Variants in EPHA6 observed in about 807,000 individuals in gnomAD.
EPHA6 encodes ephrin type-A receptor 6.
In EPHA6, 50 loss-of-function variants were observed where a neutral mutation model predicts 112.0. The observed-to-expected ratio is 0.45, with a 90% CI of 0.36 to 0.56. The LOEUF is 0.56. Among genes scored for constraint, EPHA6 ranks in the 20% least tolerant of loss-of-function variants. The pLI is 0.00. For synonymous variants in EPHA6, 529 were observed against 490.7 expected, an observed-to-expected ratio of 1.08 and a Z score of -1.03; for missense variants, 1,280 against 1,417.4, an observed-to-expected ratio of 0.90 and a Z score of 1.56.
intron 11 of EPHA6, among the ~76,000 whole-genome samples, chr3:97,579,750 A>G (rs1157434110): frequency 6.6e-6 from 1 of 152,212 alleles, no homozygotes; most frequent in Non-Finnish European, 1.5e-5. Flanking sequence ...GAGCATCACT[A>G]TCCTCTAGAT....
intron 2 of EPHA6, among the ~76,000 whole-genome samples, chr3:96,881,993 G>A (rs575217248): frequency 4.6e-5 from 7 of 152,118 alleles, no homozygotes; most frequent in Non-Finnish European, 7.4e-5. Flanking sequence ...GTGGCTTTGC[G>A]GGGTACAGCC....
intron 2 of EPHA6, among the ~76,000 whole-genome samples, chr3:96,899,921 G>A (rs1455517896): frequency 6.6e-6 from 1 of 152,024 alleles, no homozygotes; most frequent in Non-Finnish European, 1.5e-5. Flanking sequence ...ATAGATCTTG[G>A]AAAGTTTGTG....
At position 97,143,183 on chromosome 3, in the gene EPHA6, A is replaced by G. The variant is rs1246321651; in HGVS notation, c.1115-83081A>G. 3.3e-5 allele frequency among the ~76,000 whole-genome samples: 5 copies of G among 151,474 alleles called. No individual in the cohort carries two copies. In the East Asian group the frequency reaches 9.7e-4, roughly 29 times the overall value. On this transcript the variant is annotated intron_variant, in intron 3 of 17. Transcript: ENST00000389672. Reference sequence around the variant, plus strand: ...AACAATAGACACACACACACACACCAAATACCTAGGAATATATTTAACAAA... The same window carrying G: ...AACAATAGACACACACACACACACCGAATACCTAGGAATATATTTAACAAA...
intron 5 of EPHA6, among the ~76,000 whole-genome samples, chr3:97,403,817 A>T (rs946697763): frequency 5.3e-5 from 8 of 152,220 alleles, no homozygotes; most frequent in African/African-American, 1.9e-4. Context: ...AAATATATTC[A>T]TAGATGTCCA....
intron 1 of EPHA6, among the ~76,000 whole-genome samples, chr3:96,862,334 A>C (rs948120138): frequency 1.3e-5 from 2 of 151,882 alleles, no homozygotes; most frequent in Non-Finnish European, 2.9e-5. Flanking sequence ...TGACTTAGTA[A>C]CTTTACTTAG....
intron 14 of EPHA6, among the ~76,000 whole-genome samples, chr3:97,679,291 C>T (rs1011178640): frequency 2.6e-5 from 4 of 152,120 alleles, no homozygotes; most frequent in African/African-American, 7.2e-5. Flanking sequence ...TCAGTGGGAA[C>T]TTGGAACCCA....
chr3:97,195,897 G>T (rs948235575), intron 3 of EPHA6, among the ~76,000 whole-genome samples: 1 of 151,754 alleles, frequency 6.6e-6, no homozygotes, highest in African/African-American at 2.4e-5. Context: ...CTTTTTTCTT[G>T]ATGCTTTTAG....
chr3:96,920,067 C>A (rs16836996), intron 2 of EPHA6, among the ~76,000 whole-genome samples: 2,443 of 151,914 alleles, frequency 0.016, 69 homozygotes, highest in African/African-American at 0.05. Flanking sequence ...ACTTGCATTA[C>A]AAATCATGTT....
At chr3:97,400,421 C>T (rs553483671) in intron 5 of EPHA6, among the ~76,000 whole-genome samples, 98 of 151,290 alleles carry the variant, frequency 6.5e-4, no homozygotes, top group African/African-American at 2.1e-3. Flanking sequence ...TTGTTTTTTC[C>T]TCAAAACTGC....
At chr3:97,018,437 T>C (rs200015118) in intron 3 of EPHA6, among the ~76,000 whole-genome samples, 2 of 152,022 alleles carry the variant, frequency 1.3e-5, no homozygotes, top group East Asian at 3.9e-4. Flanking sequence ...ATTTATTGGA[T>C]ACAAGACAAA....
intron 3 of EPHA6, among the ~76,000 whole-genome samples, chr3:97,188,742 T>G (rs991107087): frequency 6.6e-6 from 1 of 151,814 alleles, no homozygotes; most frequent in African/African-American, 2.4e-5. Flanking sequence ...TTATGTTAAG[T>G]AAAAAAATCA....
intron 5 of EPHA6, among the ~76,000 whole-genome samples, chr3:97,327,999 ATG>A (rs1282389327): frequency 3.8e-4 from 52 of 136,182 alleles, no homozygotes; most frequent in African/African-American, 1.5e-3. Context: ...GTATATGTGT[ATG>A]TATATGTATA....
intron 1 of EPHA6, among the ~76,000 whole-genome samples, chr3:96,825,163 C>T (rs997367802): frequency 1.3e-5 from 2 of 151,546 alleles, no homozygotes; most frequent in African/African-American, 2.4e-5. Flanking sequence ...AGTTTTTATG[C>T]GTTTAAAGAT....
chr3:96,854,312 TG>T (rs1475295099), intron 1 of EPHA6, among the ~76,000 whole-genome samples: 3 of 151,628 alleles, frequency 2.0e-5, no homozygotes, highest in Middle Eastern at 3.2e-3. Flanking sequence ...CCCAAGTAGC[TG>T]GGACTACAGG....
intron 5 of EPHA6, among the ~76,000 whole-genome samples, chr3:97,245,953 T>C (rs1233972987): frequency 1.3e-5 from 2 of 152,030 alleles, no homozygotes; most frequent in African/African-American, 4.8e-5. Context: ...GAAATACCTC[T>C]AATAAATAAA....
intron 11 of EPHA6, among the ~76,000 whole-genome samples, chr3:97,547,394 G>A (rs1187791217): frequency 2.0e-5 from 3 of 152,168 alleles, no homozygotes; most frequent in Non-Finnish European, 4.4e-5. Flanking sequence ...TGGGTGAACC[G>A]CAAATGCTGC....
intron 1 of EPHA6, among the ~76,000 whole-genome samples, chr3:96,846,452 AG>A: frequency 6.6e-6 from 1 of 152,230 alleles, no homozygotes; most frequent in East Asian, 1.9e-4. Context: ...ATAACACTAA[AG>A]AAGGTAATCT....
chr3:97,233,818 A>T (rs2078603559), intron 4 of EPHA6, among the ~76,000 whole-genome samples: 1 of 152,178 alleles, frequency 6.6e-6, no homozygotes, highest in Non-Finnish European at 1.5e-5. Flanking sequence ...TGAATGTATG[A>T]TTAATAAAAT....
At chr3:97,088,070 A>G (rs543286745) in intron 3 of EPHA6, among the ~76,000 whole-genome samples, 6 of 152,120 alleles carry the variant, frequency 3.9e-5, no homozygotes, top group Admixed American at 2.6e-4. Flanking sequence ...AGTCCCAGCT[A>G]CTCAGGAGGC....
Sources: allele counts gnomAD v4.1 joint callset (sites outside exome capture counted in the v4.1 genomes callset), GRCh38; gene constraint gnomAD v4.1.1; transcripts MANE v1.5; gene names NCBI Gene and HGNC (gene_info 2026-07-23, HGNC 2026-07-21).